Variants in KAZN observed in about 807,000 individuals in gnomAD.
KAZN encodes kazrin.
In KAZN, 40 loss-of-function variants were observed where a neutral mutation model predicts 87.4. That is an observed-to-expected ratio of 0.46 (90% CI 0.36 to 0.60). KAZN has a LOEUF of 0.60. Among genes scored for constraint, KAZN ranks in the 20% least tolerant of loss-of-function variants. KAZN has a pLI of 0.00. For missense variants in KAZN, 898 were observed against 1,073.9 expected, an observed-to-expected ratio of 0.84 and a Z score of 2.29; for synonymous variants, 466 against 458.3, an observed-to-expected ratio of 1.02 and a Z score of -0.22.
At chr1:15,085,919 G>T (rs10927670) in intron 8 of KAZN, among the ~76,000 whole-genome samples, 36,301 of 152,052 alleles carry the variant, frequency 0.24, 6,228 homozygotes, top group East Asian at 0.73. Flanking sequence ...GAATAAATTT[G>T]AAATATCCAC....
intron 1 of KAZN, among the ~76,000 whole-genome samples, chr1:14,879,321 T>C (rs12562638): frequency 0.4 from 60,378 of 152,114 alleles, 13,684 homozygotes; most frequent in Non-Finnish European, 0.51. Context: ...GCACACAGCA[T>C]ATTCCTAACA....
At chr1:13,949,693 C>A (rs1050195496) in intron 1 of KAZN, among the ~76,000 whole-genome samples, 2 of 152,160 alleles carry the variant, frequency 1.3e-5, no homozygotes, top group African/African-American at 4.8e-5. Context: ...TATGAATATA[C>A]CTTATGATGG....
chr1:15,063,339 C>T, intron 6 of KAZN: 1 of 557,090 alleles, frequency 1.8e-6, no homozygotes, highest in Non-Finnish European at 3.2e-6. Context: ...GTTGAGAGGC[C>T]AGACTGGGCA....
intron 1 of KAZN, among the ~76,000 whole-genome samples, chr1:14,016,762 G>A (rs78789865): frequency 0.023 from 3,426 of 152,136 alleles, 129 homozygotes; most frequent in African/African-American, 0.077. Flanking sequence ...CACTGAGCAC[G>A]CATATTTTAC....
chr1:14,712,932 A>G (rs1642564239), intron 1 of KAZN, among the ~76,000 whole-genome samples: 2 of 152,232 alleles, frequency 1.3e-5, no homozygotes, highest in Admixed American at 1.3e-4. Flanking sequence ...AGTATGCTCC[A>G]AGATGACACA....
intron 2 of KAZN, among the ~76,000 whole-genome samples, chr1:14,477,206 T>C (rs1438541662): frequency 6.6e-6 from 1 of 151,808 alleles, no homozygotes; most frequent in Non-Finnish European, 1.5e-5. Flanking sequence ...CAAGATCTGA[T>C]GGTTTTTAAA....
chr1:14,528,195 G>C lies in KAZN; in HGVS notation c.250-70788G>C, dbSNP rs555682555. ...TCTACTAAAAATACAAAAATTAGCT[G>C]GGTGTGGTGGTGCACACGGGTAGTC... On this transcript the variant is annotated intron_variant, in intron 2 of 16. Coordinates refer to the KAZN transcript ENST00000636203. Among the ~76,000 whole-genome samples the C allele has an allele frequency of 2.0e-5, 3 of 151,500 alleles. No homozygotes were observed. The East Asian group carries it at 5.9e-4, about 30-fold the overall frequency.
intron 2 of KAZN, among the ~76,000 whole-genome samples, chr1:14,264,277 G>A (rs1651307026): frequency 6.6e-6 from 1 of 152,094 alleles, no homozygotes; most frequent in South Asian, 2.1e-4. Flanking sequence ...CATTTCTTTG[G>A]TGACTGTCAG....
intron 2 of KAZN, among the ~76,000 whole-genome samples, chr1:14,511,733 A>C (rs1206690957): frequency 6.6e-6 from 1 of 152,204 alleles, no homozygotes; most frequent in Non-Finnish European, 1.5e-5. Flanking sequence ...ATGTGTATCA[A>C]ATATTTTGGA....
At chr1:14,977,449 C>G (rs555875220) in intron 2 of KAZN, among the ~76,000 whole-genome samples, 1 of 152,208 alleles carries the variant, frequency 6.6e-6, no homozygotes, top group African/African-American at 2.4e-5. Flanking sequence ...CCTTTCTGGT[C>G]GTGTGGCCTG....
At chr1:14,345,639 T>G (rs1482726925) in intron 2 of KAZN, among the ~76,000 whole-genome samples, 1 of 152,212 alleles carries the variant, frequency 6.6e-6, no homozygotes, top group Non-Finnish European at 1.5e-5. Context: ...CATCTGTGGC[T>G]GATGATGACT....
At chr1:14,966,533 G>A (rs1272606105) in intron 2 of KAZN, among the ~76,000 whole-genome samples, 1 of 152,192 alleles carries the variant, frequency 6.6e-6, no homozygotes, top group Admixed American at 6.5e-5. Flanking sequence ...AATTGTGGGT[G>A]TTCTTTGATA....
chr1:14,650,292 C>T (rs534846364), intron 1 of KAZN, among the ~76,000 whole-genome samples: 5 of 152,286 alleles, frequency 3.3e-5, no homozygotes, highest in African/African-American at 9.6e-5. Context: ...CCATGACTCA[C>T]ACCTGTAATC....
At chr1:14,060,378 A>T (rs1376835319) in intron 1 of KAZN, among the ~76,000 whole-genome samples, 1 of 152,008 alleles carries the variant, frequency 6.6e-6, no homozygotes, top group Admixed American at 6.5e-5. Context: ...AAAAAAAAAA[A>T]AAAAAGAATG....
chr1:14,271,596 CCT>C (rs1163038902), intron 2 of KAZN, among the ~76,000 whole-genome samples: 2 of 152,240 alleles, frequency 1.3e-5, no homozygotes, highest in South Asian at 4.1e-4. Context: ...CTGTCTATTT[CCT>C]CTCTCTCTGT....
intron 1 of KAZN, among the ~76,000 whole-genome samples, chr1:14,694,318 G>A (rs1335246888): frequency 6.6e-6 from 1 of 152,240 alleles, no homozygotes; most frequent in East Asian, 1.9e-4. Context: ...TAGTTGGAAT[G>A]TCGAGAAAAG....
At chr1:14,869,536 C>T (rs1246585549) in intron 1 of KAZN, among the ~76,000 whole-genome samples, 2 of 152,166 alleles carry the variant, frequency 1.3e-5, no homozygotes, top group African/African-American at 2.4e-5. Context: ...TTCAGTGAAG[C>T]AGAACAGGAC....
chr1:14,145,837 T>C (rs1362323989), intron 1 of KAZN, among the ~76,000 whole-genome samples: 3 of 152,220 alleles, frequency 2.0e-5, no homozygotes, highest in African/African-American at 7.2e-5. Flanking sequence ...TGCCTTGGCG[T>C]CCCAAAGTGC....
intron 1 of KAZN, among the ~76,000 whole-genome samples, chr1:14,034,843 C>A (rs1641479611): frequency 6.6e-6 from 1 of 152,194 alleles, no homozygotes; most frequent in Non-Finnish European, 1.5e-5. Context: ...GCTGCCCTTT[C>A]TTCACTCGGT....
Sources: allele counts gnomAD v4.1 joint callset (sites outside exome capture counted in the v4.1 genomes callset), GRCh38; gene constraint gnomAD v4.1.1; transcripts MANE v1.5; gene names NCBI Gene and HGNC (gene_info 2026-07-23, HGNC 2026-07-21).